Variants in COL12A1 observed in about 807,000 individuals in gnomAD.
COL12A1 encodes the protein collagen type XII alpha 1 chain.
Under a neutral mutation model 349.7 loss-of-function variants are expected in COL12A1, and 114 were observed. That is an observed-to-expected ratio of 0.33 (90% CI 0.28 to 0.38). The LOEUF is 0.38. COL12A1 is among the 10% of genes least tolerant of loss of function. The pLI is 1.00. For synonymous variants in COL12A1, 1,369 were observed against 1,329.0 expected, an observed-to-expected ratio of 1.03 and a Z score of -0.66; for missense variants, 3,284 against 3,756.9, an observed-to-expected ratio of 0.87 and a Z score of 3.29.
rs778895378 is a variant in COL12A1 at position 75,084,399 on chromosome 6, A to C, written c.*2148T>G. On this transcript the variant is annotated 3_prime_UTR_variant, in exon 66 of 66. Coordinates refer to ENST00000322507, the MANE Select transcript of COL12A1 (RefSeq NM_004370.6). ...TAAATAATATAAGGCAGTGAAATTC[A>C]CAATCTGCAGTTAAAATATAAAAGC... 4 of 152,794 alleles carry C rather than the reference A, an allele frequency of 2.6e-5. No homozygotes were observed. The highest frequency in any genetic ancestry group is 4.4e-5 in the Non-Finnish European group (3 of 68,036). The allele number at this position is 152,794 out of a possible 1,614,324, so 9.5% of individuals were successfully genotyped here. A position where few individuals can be genotyped will look rare whatever the true frequency, so the allele number is the denominator to read the frequency against.
intron 51 of COL12A1, among the ~76,000 whole-genome samples, chr6:75,110,800 C>T (rs1768801205): frequency 6.6e-6 from 1 of 151,950 alleles, no homozygotes; most frequent in Admixed American, 6.6e-5. Flanking sequence ...AAATATTGCT[C>T]ATTCTCATCC....
chr6:75,155,827 A>G lies in COL12A1; in HGVS notation c.3278T>C (p.Leu1093Pro). Residue 1093 changes from leucine (L) to proline (P), a missense_variant, in exon 16 of 66, where the codon CTC becomes CCC. Physicochemically the swap from Leu to Pro is moderately conservative, Grantham distance 98. Transcript: ENST00000322507. ...TASRFKSPRN[L>P]KTSDPTMSSF... Reference sequence around the variant, plus strand: ...TGACATGGTTGGGTCAGATGTTTTGAGGTTTCTAGGAGACTTAAACCGAGA... The same window carrying G: ...TGACATGGTTGGGTCAGATGTTTTGGGGTTTCTAGGAGACTTAAACCGAGA... 6.2e-7 allele frequency: 1 copy of G among 1,608,540 alleles called. No homozygotes were observed. Among genetic ancestry groups the G allele is most frequent in the Non-Finnish European group, 8.5e-7 (1 of 1,178,270 alleles).
At chr6:75,200,411 A>T (rs963333257) in intron 2 of COL12A1, among the ~76,000 whole-genome samples, 3 of 152,244 alleles carry the variant, frequency 2.0e-5, no homozygotes, top group African/African-American at 7.2e-5. Flanking sequence ...CGTCTCTACT[A>T]AAAATACAAA....
intron 2 of COL12A1, among the ~76,000 whole-genome samples, chr6:75,195,709 C>T (rs558128332): frequency 1.4e-4 from 21 of 152,156 alleles, no homozygotes; most frequent in Admixed American, 3.9e-4. Context: ...GCTGAATGTT[C>T]CAGGGTGTAA....
intron 13 of COL12A1, among the ~76,000 whole-genome samples, chr6:75,168,272 T>C (rs916508262): frequency 1.3e-5 from 2 of 152,224 alleles, no homozygotes; most frequent in African/African-American, 4.8e-5. Flanking sequence ...TTCTGTTACA[T>C]TACAACCAGG....
chr6:75,097,899 C>CA (rs928956112), intron 58 of COL12A1, among the ~76,000 whole-genome samples: 3 of 151,924 alleles, frequency 2.0e-5, no homozygotes, highest in East Asian at 3.9e-4. Context: ...CCTTTAGCCC[C>CA]AAAAAAACAA....
chr6:75,184,774 A>C (rs984891158), intron 8 of COL12A1, among the ~76,000 whole-genome samples: 1 of 152,196 alleles, frequency 6.6e-6, no homozygotes, highest in Non-Finnish European at 1.5e-5. Context: ...TCAGTCCTCT[A>C]AAAAATGGTG....
chr6:75,112,100 G>A (rs923026545), intron 51 of COL12A1, among the ~76,000 whole-genome samples: 6 of 151,736 alleles, frequency 4.0e-5, no homozygotes, highest in African/African-American at 1.4e-4. Flanking sequence ...AAATTTTAAA[G>A]CATCTGTGCA....
chr6:75,168,830 C>A (rs1768460032), intron 13 of COL12A1, among the ~76,000 whole-genome samples: 1 of 152,118 alleles, frequency 6.6e-6, no homozygotes, highest in South Asian at 2.1e-4. Context: ...GGTGCTCCTT[C>A]AAAATAAAGA....
intron 9 of COL12A1, 64 bp from the exon 10 acceptor site, chr6:75,183,716 A>G: frequency 6.5e-7 from 1 of 1,531,280 alleles, no homozygotes; most frequent in South Asian, 1.3e-5. Flanking sequence ...ATACATATCT[A>G]GCTTTCTTAG....
At chr6:75,095,839 T>A (rs1328254171) in intron 59 of COL12A1, among the ~76,000 whole-genome samples, 1 of 152,128 alleles carries the variant, frequency 6.6e-6, no homozygotes, top group Non-Finnish European at 1.5e-5. Flanking sequence ...CCTTTTTTTT[T>A]AAGTTTCCTA....
chr6:75,119,577 AG>A, intron 44 of COL12A1, 104 bp from the exon 45 acceptor site: 1 of 1,328,106 alleles, frequency 7.5e-7, no homozygotes, highest in Non-Finnish European at 1.0e-6. Flanking sequence ...GGGTGTAAAA[AG>A]TATCTCAGAC....
chr6:75,118,991 C>T, intron 46 of COL12A1, 52 bp downstream of exon 46: 3 of 1,609,498 alleles, frequency 1.9e-6, no homozygotes, highest in East Asian at 2.2e-5. Flanking sequence ...CATTTGTGAA[C>T]ATTTAAAAAT....
At chr6:75,133,468 G>T in intron 33 of COL12A1, 46 bp from the exon 34 acceptor site, 1 of 1,570,646 alleles carries the variant, frequency 6.4e-7, no homozygotes, top group South Asian at 1.2e-5. Context: ...AAAAATTTGT[G>T]AAAGAAATAA....
intron 5 of COL12A1, among the ~76,000 whole-genome samples, chr6:75,190,585 C>T (rs927712536): frequency 1.3e-5 from 2 of 151,810 alleles, no homozygotes; most frequent in Admixed American, 6.6e-5. Context: ...GCTTTTGTAA[C>T]TGAATATGTT....
intron 26 of COL12A1, among the ~76,000 whole-genome samples, chr6:75,143,016 C>A (rs191198355): frequency 6.6e-6 from 1 of 152,126 alleles, no homozygotes; most frequent in Non-Finnish European, 1.5e-5. Context: ...TTTTATCTAC[C>A]AAGGGATGAT....
Position 75,138,356 on chromosome 6 carries a change from A to G in COL12A1, c.5231-16T>C, listed in dbSNP as rs772805016. The G allele has an allele frequency of 6.2e-7, 1 of 1,610,786 alleles. No homozygotes were observed. Reference sequence around the variant, plus strand: ...AAGATAGGCACTAAAAGAAAACAGAATTTGGGAACACATTACTAATATAGC... The same window carrying G: ...AAGATAGGCACTAAAAGAAAACAGAGTTTGGGAACACATTACTAATATAGC... On this transcript the variant is annotated splice_polypyrimidine_tract_variant and intron_variant, in intron 29 of 65. Transcript: ENST00000322507.
Position 75,086,205 on chromosome 6 carries a change from C to G in COL12A1, c.*342G>C, listed in dbSNP as rs1767479892. The stretch of plus-strand genomic sequence containing the variant: ...CTCTTTAACCAGGTTAATTGTTTTT[C>G]TTAAAATGGCATAGACTCCTCTGGT... On this transcript the variant is annotated 3_prime_UTR_variant, in exon 66 of 66. Coordinates refer to ENST00000322507, the MANE Select transcript of COL12A1 (RefSeq NM_004370.6). 1 of 159,942 alleles carries G rather than the reference C, an allele frequency of 6.3e-6. No homozygotes were observed. The highest frequency in any genetic ancestry group is 1.4e-5 in the Non-Finnish European group (1 of 73,072). The allele number at this position is 159,942 out of a possible 1,614,324, so 9.9% of individuals were successfully genotyped here.
In COL12A1 at chr6:75,183,230, T is replaced by A. The variant is rs1769415367; in HGVS notation, c.1711A>T (p.Ile571Phe). The stretch of plus-strand genomic sequence containing the variant: ...GCATCCTTCACACCAACTGCAAAGA[T>A]TTCAACATCTGAATTCCTCAGTTTT... ...AIKLRNSDVE[I>F]FAVGVKDAVR... The change falls in exon 10 of 66, where the codon ATC (isoleucine) becomes TTC (phenylalanine). Residue 571 changes from isoleucine (I) to phenylalanine (F), a missense_variant. Ile to Phe is a conservative substitution (Grantham distance 21, BLOSUM62 0). Transcript: ENST00000322507. 1 of 1,614,192 alleles carries A rather than the reference T, an allele frequency of 6.2e-7. No individual in the cohort carries two copies. Among genetic ancestry groups the A allele is most frequent in the Non-Finnish European group, 8.5e-7 (1 of 1,180,024 alleles).
Sources: allele counts gnomAD v4.1 joint callset (sites outside exome capture counted in the v4.1 genomes callset), GRCh38; gene constraint gnomAD v4.1.1; transcripts MANE v1.5; gene names NCBI Gene and HGNC (gene_info 2026-07-23, HGNC 2026-07-21).